DLG2: variants seen among roughly 807,000 people sequenced by gnomAD.
DLG2 encodes discs large MAGUK scaffold protein 2.
A neutral mutation model predicts 132.5 loss-of-function variants in DLG2; 45 were observed. The ratio of observed to expected loss-of-function variants is 0.34; its 90% confidence interval spans 0.27 to 0.44. DLG2 has a LOEUF of 0.44. Ranked by LOEUF, DLG2 falls within the 20% of genes least tolerant of loss-of-function variation. The pLI, the probability that DLG2 is intolerant of heterozygous loss-of-function variation, is 1.00. For synonymous variants in DLG2, 424 were observed against 419.6 expected (o/e 1.01, Z -0.13); for missense variants, 1,045 against 1,196.9 (o/e 0.87, Z 1.87).
rs1555174774 is a variant in DLG2, at chr11:84,703,857, G to GATATATATGTGTATATATATATAT, written c.358-169127_358-169126insATATATATATATACACATATATAT. On this transcript the variant is annotated intron_variant, in intron 6 of 27. Coordinates refer to ENST00000376104, the MANE Select transcript of DLG2 (RefSeq NM_001142699.3). ...AATAATGCTAAAACTATGTAGTGAA[G>GATATATATGTGTATATATATATAT]ATATATATATATATATATATATATA... Among the ~76,000 whole-genome samples the GATATATATGTGTATATATATATAT allele has an allele frequency of 2.9e-3, 302 of 102,666 alleles. 5 individuals carry two copies. The highest frequency in any genetic ancestry group is 0.011 in the African/African-American group (274 of 24,270). The allele number at this position is 102,666 out of a possible 152,430, so 67.4% of individuals were successfully genotyped here.
chr11:85,172,649 G>A (rs971598660), intron 4 of DLG2, among the ~76,000 whole-genome samples: 17 of 152,176 alleles, frequency 1.1e-4, no homozygotes, highest in African/African-American at 4.1e-4. Flanking sequence ...GCTTCAGAGA[G>A]TGGTTAATAA....
intron 6 of DLG2, among the ~76,000 whole-genome samples, chr11:84,847,725 G>A (rs2081653889): frequency 1.3e-5 from 2 of 152,120 alleles, no homozygotes; most frequent in African/African-American, 4.8e-5. Flanking sequence ...GGCCATGCCT[G>A]ATACACTCTT....
At chr11:85,209,257 C>T (rs2082095039) in intron 4 of DLG2, among the ~76,000 whole-genome samples, 2 of 152,010 alleles carry the variant, frequency 1.3e-5, no homozygotes, top group Admixed American at 1.3e-4. Flanking sequence ...CAATTTCTCC[C>T]ACTCTGTTTC....
At chr11:84,291,475 A>C (rs532972937) in intron 7 of DLG2, among the ~76,000 whole-genome samples, 32 of 152,306 alleles carry the variant, frequency 2.1e-4, no homozygotes, top group Admixed American at 9.8e-4. Context: ...AACATGAAAA[A>C]GTCAGTATTA....
chr11:84,075,192 T>C (rs530876464), intron 10 of DLG2, among the ~76,000 whole-genome samples: 54 of 152,342 alleles, frequency 3.5e-4, no homozygotes, highest in African/African-American at 1.3e-3. Context: ...TAATCTAAAG[T>C]TGCCACCAGG....
At chr11:84,346,901 A>G (rs2098541778) in intron 7 of DLG2, among the ~76,000 whole-genome samples, 1 of 151,976 alleles carries the variant, frequency 6.6e-6, no homozygotes, top group South Asian at 2.1e-4. Flanking sequence ...TTTATCTGTA[A>G]AGTAAGTATG....
At chr11:85,537,645 A>G (rs1598362816) in intron 3 of DLG2, among the ~76,000 whole-genome samples, 1 of 151,784 alleles carries the variant, frequency 6.6e-6, no homozygotes, top group Non-Finnish European at 1.5e-5. Flanking sequence ...AAGACCACGA[A>G]CCCACCAGAA....
chr11:83,466,611 A>T, intron 26 of DLG2, 97 bp downstream of exon 26: 1 of 636,734 alleles, frequency 1.6e-6, no homozygotes, highest in Non-Finnish European at 2.8e-6. Flanking sequence ...GGCATTTCCC[A>T]TTTGTAAGCA....
At chr11:84,259,388 C>T (rs2097524537) in intron 7 of DLG2, among the ~76,000 whole-genome samples, 1 of 152,050 alleles carries the variant, frequency 6.6e-6, no homozygotes, top group Admixed American at 6.6e-5. Context: ...TAGGTGGGTG[C>T]AGTTCAATCC....
At chr11:83,774,635 A>G (rs2094517904) in intron 18 of DLG2, among the ~76,000 whole-genome samples, 1 of 152,082 alleles carries the variant, frequency 6.6e-6, no homozygotes, top group African/African-American at 2.4e-5. Flanking sequence ...GCTGCTTCCC[A>G]AACTCTGTGA....
At chr11:84,297,461 C>T (rs1291177873) in intron 7 of DLG2, among the ~76,000 whole-genome samples, 1 of 152,278 alleles carries the variant, frequency 6.6e-6, no homozygotes, top group East Asian at 1.9e-4. Context: ...CAGGAATCCA[C>T]ACTATTTAAT....
intron 6 of DLG2, among the ~76,000 whole-genome samples, chr11:85,002,564 G>T (rs983067887): frequency 6.6e-6 from 1 of 152,118 alleles, no homozygotes; most frequent in Non-Finnish European, 1.5e-5. Flanking sequence ...GTAGAACCAT[G>T]TGCTGGTTTA....
At position 85,385,265 on chromosome 11, in the gene DLG2, C is replaced by G. The variant is rs2086232259; in HGVS notation, c.41-99900G>C. Among the ~76,000 whole-genome samples, 4 of 152,108 alleles carry G rather than the reference C, an allele frequency of 2.6e-5. No individual in the cohort carries two copies. The South Asian group carries it at 8.3e-4, about 32-fold the overall frequency. On this transcript the variant is annotated intron_variant, in intron 3 of 27. Coordinates refer to ENST00000376104, the MANE Select transcript of DLG2 (RefSeq NM_001142699.3). ...AGGGTTATTTTATGGAAGAAATGTG[C>G]TTGAATAGGAAATGAGGAGATAAGG...
chr11:85,100,400 T>C (rs534190971), intron 6 of DLG2, among the ~76,000 whole-genome samples: 1 of 152,194 alleles, frequency 6.6e-6, no homozygotes, highest in Admixed American at 6.5e-5. Context: ...GTAATTATTT[T>C]TATTTCATAA....
chr11:85,242,495 A>C (rs552000003), intron 4 of DLG2, among the ~76,000 whole-genome samples: 1 of 151,134 alleles, frequency 6.6e-6, no homozygotes, highest in South Asian at 2.1e-4. Context: ...TATAGTTTTA[A>C]TTTTCTCTTT....
chr11:84,778,324 T>G (rs2071076537), intron 6 of DLG2, among the ~76,000 whole-genome samples: 1 of 152,182 alleles, frequency 6.6e-6, no homozygotes, highest in South Asian at 2.1e-4. Context: ...TGTCTTTTTA[T>G]TTTTATACCA....
chr11:84,764,040 C>T (rs780752577), intron 6 of DLG2, among the ~76,000 whole-genome samples: 4 of 152,116 alleles, frequency 2.6e-5, no homozygotes, highest in Non-Finnish European at 5.9e-5. Flanking sequence ...ACCTAGAGAG[C>T]TTGCAGTTTA....
chr11:83,950,760 C>T lies in DLG2; in HGVS notation c.1340+12125G>A, dbSNP rs1267833498. On this transcript the variant is annotated intron_variant, in intron 14 of 27. Coordinates refer to ENST00000376104, the MANE Select transcript of DLG2 (RefSeq NM_001142699.3). Reference sequence around the variant, plus strand: ...AGTCTTAGATACTAGTGGCTAATTCCTATTGTTCTTTTCCAATCTCAGTCA... The same window carrying T: ...AGTCTTAGATACTAGTGGCTAATTCTTATTGTTCTTTTCCAATCTCAGTCA... Among the ~76,000 whole-genome samples, 5 of 152,116 alleles carry T rather than the reference C, an allele frequency of 3.3e-5. No individual in the cohort carries two copies. In the East Asian group the frequency reaches 7.7e-4, roughly 23 times the overall value.
In DLG2 at chr11:84,913,135, A is replaced by G. The variant is rs140759032; in HGVS notation, c.357+198526T>C. Among the ~76,000 whole-genome samples the G allele has an allele frequency of 3.2e-3, 489 of 152,302 alleles. 1 individual carries two copies. The highest frequency in any genetic ancestry group is 0.011 in the African/African-American group (461 of 41,570). ...TCTCTGGAGAGTAAAAATGATTTCA[A>G]TGTTTTCAATCTAAGTGCCTGGGAG... is the stretch of plus-strand genomic sequence containing the variant. On this transcript the variant is annotated intron_variant, in intron 6 of 27. Transcript: ENST00000376104.
Sources: gnomAD v4.1 joint callset for allele counts (sites outside exome capture counted in the v4.1 genomes callset) on GRCh38, gnomAD v4.1.1 for gene constraint, MANE v1.5 for transcripts, NCBI Gene and HGNC (gene_info 2026-07-23, HGNC 2026-07-21) for gene names.